Variants in FCHSD2 observed in about 807,000 individuals in gnomAD.
FCHSD2 encodes the protein FCH and double SH3 domains 2.
Under a neutral mutation model 108.1 loss-of-function variants are expected in FCHSD2, and 38 were observed. The observed-to-expected ratio is 0.35, with a 90% CI of 0.27 to 0.46. The LOEUF is 0.46. Ranked by LOEUF, FCHSD2 falls within the 20% of genes least tolerant of loss-of-function variation. The pLI is 1.00. For missense variants in FCHSD2, 751 were observed against 897.8 expected (o/e 0.84, Z 2.09); for synonymous variants, 279 against 314.7 (o/e 0.89, Z 1.20).
In FCHSD2 at chr11:72,917,592, A is replaced by G. The variant is rs146749547; in HGVS notation, c.828+4236T>C. ...CATGGTCCCTTGTAGTTCCATATTA[A>G]TTCGAAGACTGGGCCGAGTGCAGTG... is the stretch of plus-strand genomic sequence containing the variant. On this transcript the variant is annotated intron_variant, in intron 9 of 19. Coordinates refer to ENST00000409418, the MANE Select transcript of FCHSD2 (RefSeq NM_014824.3). Among the ~76,000 whole-genome samples the G allele has an allele frequency of 3.1e-3, 476 of 152,260 alleles. 1 individual carries two copies. The highest frequency in any genetic ancestry group is 5.5e-3 in the Admixed American group (84 of 15,286).
intron 3 of FCHSD2, among the ~76,000 whole-genome samples, chr11:73,062,971 T>C (rs565645939): frequency 4.6e-5 from 7 of 152,170 alleles, no homozygotes; most frequent in African/African-American, 1.7e-4. Flanking sequence ...AGAGCAACCC[T>C]AAGACACATA....
chr11:72,943,183 G>A (rs1179414447), intron 8 of FCHSD2, among the ~76,000 whole-genome samples: 2 of 151,956 alleles, frequency 1.3e-5, no homozygotes, highest in African/African-American at 4.8e-5. Context: ...ATTAGAAATG[G>A]GGTTTCCCCA....
At chr11:72,924,507 C>T (rs965984476) in intron 8 of FCHSD2, among the ~76,000 whole-genome samples, 8 of 150,042 alleles carry the variant, frequency 5.3e-5, no homozygotes, top group African/African-American at 2.0e-4. Context: ...TGGTCTCGAT[C>T]TCCTGATCTC....
intron 8 of FCHSD2, among the ~76,000 whole-genome samples, chr11:72,982,998 A>C (rs1222942774): frequency 6.6e-6 from 1 of 152,066 alleles, no homozygotes; most frequent in African/African-American, 2.4e-5. Flanking sequence ...CTTGTTTCTA[A>C]AAATAAAAGA....
At chr11:72,976,188 T>C (rs1857101634) in intron 8 of FCHSD2, among the ~76,000 whole-genome samples, 1 of 152,246 alleles carries the variant, frequency 6.6e-6, no homozygotes, top group Non-Finnish European at 1.5e-5. Context: ...GAGAAAGATA[T>C]ATTCAGTATC....
intron 2 of FCHSD2, among the ~76,000 whole-genome samples, chr11:73,124,421 TA>T (rs1565101713): frequency 6.6e-6 from 1 of 151,818 alleles, no homozygotes; most frequent in South Asian, 2.1e-4. Flanking sequence ...ATAATAATTT[TA>T]AAAAAAGAAG....
intron 8 of FCHSD2, chr11:72,940,512 G>A (rs1055839268): frequency 7.2e-6 from 6 of 838,196 alleles, no homozygotes; most frequent in Middle Eastern, 3.5e-4. Flanking sequence ...GTGCATACCC[G>A]CACATCCAGG....
At position 73,141,916 on chromosome 11, in the gene FCHSD2, T is replaced by C; in HGVS notation, c.-39A>G. The C allele has an allele frequency of 6.5e-7, 1 of 1,539,086 alleles. No individual in the cohort carries two copies. The highest frequency in any genetic ancestry group is 2.0e-5 in the Admixed American group (1 of 50,358). The stretch of plus-strand genomic sequence containing the variant: ...CATCAATCCTCCCCGACGGCAGCGT[T>C]AGCAAGGACCAGGAGGAGGAGGAGG... On this transcript the variant is annotated 5_prime_UTR_variant, in exon 1 of 20. Transcript: ENST00000409418.
At chr11:72,969,601 A>G (rs1856972633) in intron 8 of FCHSD2, among the ~76,000 whole-genome samples, 2 of 152,244 alleles carry the variant, frequency 1.3e-5, no homozygotes, top group Admixed American at 1.3e-4. Context: ...AGAAGCATCG[A>G]AGATATAAAA....
At chr11:73,001,540 G>C (rs1454684959) in intron 4 of FCHSD2, among the ~76,000 whole-genome samples, 2 of 152,110 alleles carry the variant, frequency 1.3e-5, no homozygotes, top group Non-Finnish European at 2.9e-5. Context: ...AGAGATTTTA[G>C]AGTATCACTT....
intron 12 of FCHSD2, among the ~76,000 whole-genome samples, chr11:72,873,349 C>A (rs1854903325): frequency 6.6e-6 from 1 of 151,410 alleles, no homozygotes; most frequent in South Asian, 2.1e-4. Context: ...AAAAATGAAT[C>A]TTTTCATGTG....
At position 72,837,037 on chromosome 11, in the gene FCHSD2, T is replaced by G. The variant is rs1258501833; in HGVS notation, c.*1754A>C. On this transcript the variant is annotated 3_prime_UTR_variant, in exon 20 of 20. Transcript: ENST00000409418. The stretch of plus-strand genomic sequence containing the variant: ...TGGAAAACCCAAATTCAAGGACAAT[T>G]TGGCTAGCTAAAGACAGAATACAAG... 1 of 152,212 alleles carries G rather than the reference T, an allele frequency of 6.6e-6. No individual in the cohort carries two copies. The highest frequency in any genetic ancestry group is 6.5e-5 in the Admixed American group (1 of 15,268). The allele number at this position is 152,212 out of a possible 1,614,324, so 9.4% of individuals were successfully genotyped here. A position where few individuals can be genotyped will look rare whatever the true frequency, so the allele number is the denominator to read the frequency against.
In FCHSD2 at chr11:72,887,555, C is replaced by T. The variant is rs752903498; in HGVS notation, c.1061G>A (p.Cys354Tyr). ...TTGTTCTGATACAGCAGCTCCATGA[C>T]ACTCCAGATCATTTAGAACCTATTA... ...HQQRVLNDLE[C>Y]HGAAVSEQSR... is the part of the protein sequence containing the mutation. The change falls in exon 12 of 20, where the codon TGT becomes TAT. Residue 354 changes from cysteine (C) to tyrosine (Y), a missense_variant. Coordinates refer to ENST00000409418, the MANE Select transcript of FCHSD2 (RefSeq NM_014824.3). 1.9e-6 allele frequency: 3 copies of T among 1,582,460 alleles called. No individual in the cohort carries two copies. The highest frequency in any genetic ancestry group is 1.7e-4 in the Middle Eastern group (1 of 6,006).
In FCHSD2 at chr11:72,900,738, T is replaced by C. The variant is rs1407186351; in HGVS notation, c.924+1805A>G. 2.6e-5 allele frequency among the ~76,000 whole-genome samples: 4 copies of C among 151,890 alleles called. No individual in the cohort carries two copies. In the East Asian group the frequency reaches 7.7e-4, roughly 29 times the overall value. ...AATATAGAGGGAAATGCTGATTTCC[T>C]ACATTTCTTTATATAGCTGCTAACA... is the stretch of plus-strand genomic sequence containing the variant. On this transcript the variant is annotated intron_variant, in intron 10 of 19. Transcript: ENST00000409418.
At chr11:72,845,437 C>CAAAAAAAA (rs755929012) in intron 14 of FCHSD2, among the ~76,000 whole-genome samples, 1 of 81,976 alleles carries the variant, frequency 1.2e-5, no homozygotes, top group Non-Finnish European at 2.3e-5. Flanking sequence ...GACCCTGTCT[C>CAAAAAAAA]AAAAAAAAAA....
At chr11:72,871,280 CA>C (rs1417750232) in intron 12 of FCHSD2, among the ~76,000 whole-genome samples, 1 of 152,186 alleles carries the variant, frequency 6.6e-6, no homozygotes, top group African/African-American at 2.4e-5. Context: ...ACCCCTTAAA[CA>C]TTCCTAGTTT....
chr11:72,905,406 T>A (rs1393649985), intron 9 of FCHSD2, among the ~76,000 whole-genome samples: 1 of 152,234 alleles, frequency 6.6e-6, no homozygotes, highest in Non-Finnish European at 1.5e-5. Flanking sequence ...CAAGCATTTA[T>A]CCTTACTTTG....
intron 3 of FCHSD2, among the ~76,000 whole-genome samples, chr11:73,067,014 A>G (rs1283081946): frequency 2.0e-5 from 3 of 152,194 alleles, no homozygotes; most frequent in Non-Finnish European, 1.5e-5. Flanking sequence ...AAATCATTCT[A>G]CTATAAAGAC....
intron 12 of FCHSD2, among the ~76,000 whole-genome samples, chr11:72,879,766 T>C (rs1042508075): frequency 5.3e-5 from 8 of 152,186 alleles, no homozygotes; most frequent in South Asian, 4.1e-4. Flanking sequence ...GCTTTGCATA[T>C]GACATGTAGG....
Sources: allele counts gnomAD v4.1 joint callset (sites outside exome capture counted in the v4.1 genomes callset), GRCh38; gene constraint gnomAD v4.1.1; transcripts MANE v1.5; gene names NCBI Gene and HGNC (gene_info 2026-07-23, HGNC 2026-07-21).